The following DENND2B variants were observed in gnomAD, a reference collection of about 807,000 sequenced individuals.
The protein encoded by DENND2B is DENN domain-containing protein 2B.
DENND2B carries 32 observed loss-of-function variants against 116.0 expected under a neutral mutation model. The observed-to-expected ratio is 0.28, with a 90% CI of 0.21 to 0.37. The LOEUF (loss-of-function observed/expected upper bound fraction) is 0.37. DENND2B is among the 10% of genes least tolerant of loss of function. The pLI is 1.00. For synonymous variants in DENND2B, 588 were observed against 583.9 expected (o/e 1.01, Z -0.10); for missense variants, 1,276 against 1,477.7 (o/e 0.86, Z 2.24).
intron 2 of DENND2B, among the ~76,000 whole-genome samples, chr11:8,736,255 G>A (rs1805005888): frequency 6.6e-6 from 1 of 152,130 alleles, no homozygotes; most frequent in Non-Finnish European, 1.5e-5. Flanking sequence ...TTAGGCTGAG[G>A]TGGGAGGACT....
chr11:8,718,662 G>A, intron 4 of DENND2B: 1 of 1,255,440 alleles, frequency 8.0e-7, no homozygotes, highest in Admixed American at 3.8e-5. Flanking sequence ...TGAAAGGCTT[G>A]GAAGGAGTCT....
upstream of DENND2B, among the ~76,000 whole-genome samples, chr11:8,874,320 GGGT>G (rs1594326419): frequency 6.6e-6 from 1 of 152,134 alleles, no homozygotes; most frequent in South Asian, 2.1e-4. Flanking sequence ...TTGTAGCTAA[GGGT>G]CTGTTTAATA....
chr11:8,906,280 A>C (rs1359739389), intron 1 of DENND2B, among the ~76,000 whole-genome samples: 1 of 137,936 alleles, frequency 7.2e-6, no homozygotes, highest in Non-Finnish European at 1.5e-5. Flanking sequence ...ACCTTGGCTC[A>C]CTGCAAGCTC....
At chr11:8,778,464 G>GT (rs2057985933) in intron 1 of DENND2B, among the ~76,000 whole-genome samples, 1 of 152,204 alleles carries the variant, frequency 6.6e-6, no homozygotes, top group African/African-American at 2.4e-5. Context: ...GTCTCCACAT[G>GT]TGTCTATGTG....
chr11:8,760,620 G>C (rs1325807855), intron 1 of DENND2B, among the ~76,000 whole-genome samples: 1 of 151,682 alleles, frequency 6.6e-6, no homozygotes, highest in South Asian at 2.1e-4. Context: ...CCTGTGAGAA[G>C]AAAAAAAGAG....
chr11:8,694,531 G>A (rs1439906267), intron 19 of DENND2B: 1 of 461,294 alleles, frequency 2.2e-6, no homozygotes, highest in Non-Finnish European at 4.3e-6. Flanking sequence ...TCAGGAAGGA[G>A]TGCAAACAGA....
At chr11:8,836,701 G>C (rs1355709782) in intron 4 of DENND2B, among the ~76,000 whole-genome samples, 3 of 151,472 alleles carry the variant, frequency 2.0e-5, no homozygotes, top group Non-Finnish European at 4.4e-5. Context: ...TTATAGGTGT[G>C]ACCCACCGCG....
At chr11:8,817,497 C>T (rs1261071911) in intron 4 of DENND2B, among the ~76,000 whole-genome samples, 1 of 152,058 alleles carries the variant, frequency 6.6e-6, no homozygotes, top group Non-Finnish European at 1.5e-5. Context: ...TTACTCCTGA[C>T]CTAATTCCCC....
At chr11:8,859,468 C>T (rs1031921122) in intron 2 of DENND2B, among the ~76,000 whole-genome samples, 4 of 152,068 alleles carry the variant, frequency 2.6e-5, no homozygotes, top group Non-Finnish European at 5.9e-5. Context: ...CCATCGCGCC[C>T]GGCTAATTTT....
At chr11:8,811,066 G>T (rs2061350955), upstream of DENND2B, 4 of 385,030 alleles carry the variant, frequency 1.0e-5, no homozygotes, top group African/African-American at 4.1e-5. Flanking sequence ...TGCCAGGGGG[G>T]AGGGAGCTAG....
intron 4 of DENND2B, among the ~76,000 whole-genome samples, chr11:8,820,241 T>A (rs1460792837): frequency 6.6e-6 from 1 of 152,184 alleles, no homozygotes; most frequent in African/African-American, 2.4e-5. Context: ...TGTTAAAAAA[T>A]ATATATATCA....
intron 2 of DENND2B, among the ~76,000 whole-genome samples, chr11:8,876,855 G>T (rs1306346331): frequency 6.6e-6 from 1 of 150,662 alleles, no homozygotes; most frequent in East Asian, 2.0e-4. Flanking sequence ...CATCAGCCTG[G>T]GCGACAGAGC....
At chr11:8,705,945 C>T (rs1407749220) in intron 13 of DENND2B, among the ~76,000 whole-genome samples, 1 of 152,234 alleles carries the variant, frequency 6.6e-6, no homozygotes, top group African/African-American at 2.4e-5. Context: ...CCACAGTGGG[C>T]TTTGAATACA....
At chr11:8,698,278 T>TGGCTTGG (rs1160700056) in intron 16 of DENND2B, among the ~76,000 whole-genome samples, 1 of 151,762 alleles carries the variant, frequency 6.6e-6, no homozygotes, top group Non-Finnish European at 1.5e-5. Flanking sequence ...GAGGCACAGT[T>TGGCTTGG]GGCTTGGGGC....
chr11:8,812,243 G>T (rs904190020), upstream of DENND2B, among the ~76,000 whole-genome samples: 2 of 152,154 alleles, frequency 1.3e-5, no homozygotes, highest in African/African-American at 4.8e-5. Flanking sequence ...GGGCTCCCAA[G>T]GGAAGGTGGA....
intron 19 of DENND2B, 105 bp downstream of exon 19, chr11:8,695,358 C>T: frequency 1.9e-6 from 2 of 1,047,174 alleles, no homozygotes; most frequent in Non-Finnish European, 2.9e-6. Flanking sequence ...TCTACAGCCC[C>T]AGTATAACAC....
upstream of DENND2B, among the ~76,000 whole-genome samples, chr11:8,814,701 G>A: frequency 6.6e-6 from 1 of 152,170 alleles, no homozygotes; most frequent in East Asian, 1.9e-4. Context: ...TCTTCCCTCA[G>A]AAGAGTTCCT....
At position 8,707,312 on chromosome 11, in the gene DENND2B, C is replaced by T; in HGVS notation, c.2431-87G>A. ...GGCAGAGAAGAGGGCAGCCAAGCATCTGACCAGGCTAGCCCAGAAGCTGGG... is the reference window on the plus strand; with the variant it reads ...GGCAGAGAAGAGGGCAGCCAAGCATTTGACCAGGCTAGCCCAGAAGCTGGG... On this transcript the variant is annotated intron_variant, in intron 12 of 19. Transcript: ENST00000313726. This position sits in a 1 kb window ranked among gnomAD's most constrained non-coding sequence, Gnocchi z 4.8. 1.3e-6 allele frequency: 2 copies of T among 1,517,176 alleles called. No homozygotes were observed. Among genetic ancestry groups the T allele is most frequent in the South Asian group, 1.3e-5 (1 of 77,104 alleles). 94.0% of individuals were successfully genotyped at this position (1,517,176 alleles called of 1,614,324 possible). A position where few individuals can be genotyped will look rare whatever the true frequency, so the allele number is the denominator to read the frequency against.
In DENND2B at chr11:8,799,561, C is replaced by CTT. The variant is rs67190732; in HGVS notation, c.-26+10954_-26+10955dup. Among the ~76,000 whole-genome samples, 805 of 114,012 alleles carry CTT rather than the reference C, an allele frequency of 7.1e-3. 10 individuals carry two copies. Among genetic ancestry groups the CTT allele is most frequent in the African/African-American group, 0.017 (548 of 31,346 alleles). 74.8% of individuals were successfully genotyped at this position (114,012 alleles called of 152,430 possible). On this transcript the variant is annotated intron_variant, in intron 1 of 19. Coordinates refer to ENST00000313726, the MANE Select transcript of DENND2B (RefSeq NM_213618.2). ...ACTCATGTACCATCCTCCTTTTTCT[C>CTT]TTTTTTTTTTTTTTTTTTTTTTAAG...
Sources: gnomAD v4.1 joint callset for allele counts (sites outside exome capture counted in the v4.1 genomes callset) on GRCh38, gnomAD v4.1.1 for gene constraint, Gnocchi (gnomAD v3.1) non-coding constraint, MANE v1.5 for transcripts, NCBI Gene and HGNC (gene_info 2026-07-23, HGNC 2026-07-21) for gene names.